Variants in PCDHA10 observed in about 807,000 individuals in gnomAD.
The protein encoded by PCDHA10 is protocadherin alpha 10.
In PCDHA10, 45 loss-of-function variants were observed where a neutral mutation model predicts 61.2. The observed-to-expected ratio is 0.74, with a 90% confidence interval of 0.58 to 0.94. PCDHA10 has a LOEUF of 0.94. Among genes scored for constraint, PCDHA10 ranks in the 40% least tolerant of loss-of-function variants. The probability of loss-of-function intolerance (pLI) is 0.00; values close to 1 mark genes in which losing one functional copy is unlikely to be tolerated. For synonymous variants in PCDHA10, 602 were observed against 548.8 expected (o/e 1.10, Z -1.35); for missense variants, 1,278 against 1,236.2 (o/e 1.03, Z -0.51).
rs202051639 is a variant in PCDHA10, at chr5:140,857,187, C to T, written c.1139C>T (p.Ala380Val). The change falls in exon 1 of 4, where the codon GCC becomes GTC. Residue 380 changes from alanine (A) to valine (V), a missense_variant. By Grantham distance (64) the Ala-to-Val change is moderately conservative. Coordinates refer to ENST00000307360, the MANE Select transcript of PCDHA10 (RefSeq NM_018901.4). ...LISVSDHDSGANGQVTCSLTP... is the reference protein window; with the variant it reads ...LISVSDHDSGVNGQVTCSLTP... Reference sequence around the variant, plus strand: ...AGCGTTTCTGACCATGATTCAGGAGCCAACGGACAGGTCACCTGCTCTCTG... The same window carrying T: ...AGCGTTTCTGACCATGATTCAGGAGTCAACGGACAGGTCACCTGCTCTCTG... 3 of 1,598,516 alleles carry T rather than the reference C, an allele frequency of 1.9e-6. No individual in the cohort carries two copies. The highest frequency in any genetic ancestry group is 1.7e-5 in the Admixed American group (1 of 59,280).
chr5:140,935,605 T>C (rs1554210594), intron 1 of PCDHA10, among the ~76,000 whole-genome samples: 4 of 152,228 alleles, frequency 2.6e-5, no homozygotes. Flanking sequence ...AGAGCTAGGC[T>C]TTTTTCAAGT....
At chr5:140,928,134 G>T in intron 1 of PCDHA10, 1 of 1,614,180 alleles carries the variant, frequency 6.2e-7, no homozygotes, top group Non-Finnish European at 8.5e-7. Flanking sequence ...ACCAAGTCCT[G>T]ATCACGGCCT....
At chr5:140,939,351 T>C (rs918440257) in intron 1 of PCDHA10, among the ~76,000 whole-genome samples, 2 of 152,140 alleles carry the variant, frequency 1.3e-5, no homozygotes, top group Non-Finnish European at 1.5e-5. Flanking sequence ...TTTCAACTTA[T>C]GATTGCAAAG....
chr5:140,966,859 G>A, intron 1 of PCDHA10: 1 of 1,577,136 alleles, frequency 6.3e-7, no homozygotes. Flanking sequence ...TCCTGCTGCT[G>A]TTGCTGCTGC....
intron 3 of PCDHA10, among the ~76,000 whole-genome samples, chr5:140,989,708 G>T (rs2097355537): frequency 6.6e-6 from 1 of 152,154 alleles, no homozygotes; most frequent in South Asian, 2.1e-4. Context: ...ATCTTCAGAG[G>T]CAGTCAGCTT....
intron 1 of PCDHA10, chr5:140,875,208 C>T (rs1297860404): frequency 3.0e-6 from 2 of 668,426 alleles, no homozygotes; most frequent in Non-Finnish European, 2.2e-6. Context: ...GTGGCTAAAC[C>T]GAAAAGAACC....
At chr5:140,927,527 C>G in intron 1 of PCDHA10, 1 of 1,614,084 alleles carries the variant, frequency 6.2e-7, no homozygotes, top group African/African-American at 1.3e-5. Context: ...GGGCTACCTG[C>G]CCGCTCAGGA....
intron 1 of PCDHA10, among the ~76,000 whole-genome samples, chr5:140,972,103 CA>C (rs1388508761): frequency 2.0e-5 from 3 of 152,104 alleles, no homozygotes; most frequent in Non-Finnish European, 4.4e-5. Context: ...GGCATAGAAG[CA>C]GGTAACAAAT....
At position 140,857,965 on chromosome 5, in the gene PCDHA10, T is replaced by A. The variant is rs2045057486; in HGVS notation, c.1917T>A (p.Thr639=). The A allele has an allele frequency of 6.3e-7, 1 of 1,597,084 alleles. No individual in the cohort carries two copies. The highest frequency in any genetic ancestry group is 2.2e-5 in the East Asian group (1 of 44,784). The change falls in exon 1 of 4, where the codon ACT becomes ACA. Residue 639 remains threonine (T), a synonymous_variant. Coordinates refer to ENST00000307360, the MANE Select transcript of PCDHA10 (RefSeq NM_018901.4). ...EISTTRALDE[T]DSPRQRLLVL... is the part of the protein sequence containing the mutation. ...GTACGACGCGCGCTCTGGATGAGACTGACTCGCCACGCCAGCGCCTACTGG... is the reference window on the plus strand; with the variant it reads ...GTACGACGCGCGCTCTGGATGAGACAGACTCGCCACGCCAGCGCCTACTGG...
intron 1 of PCDHA10, among the ~76,000 whole-genome samples, chr5:140,964,713 A>C (rs2095850699): frequency 6.6e-6 from 1 of 152,070 alleles, no homozygotes; most frequent in South Asian, 2.1e-4. Flanking sequence ...TCCGAGATCA[A>C]ATTACCACAG....
At chr5:140,970,854 T>TG (rs1554232785) in intron 1 of PCDHA10, among the ~76,000 whole-genome samples, 1 of 152,148 alleles carries the variant, frequency 6.6e-6, no homozygotes, top group Non-Finnish European at 1.5e-5. Context: ...GCACAAAAGT[T>TG]CCATTCCTGA....
At chr5:140,883,619 A>T (rs1554178937) in intron 1 of PCDHA10, 2 of 1,613,984 alleles carry the variant, frequency 1.2e-6, no homozygotes, top group Admixed American at 3.3e-5. Context: ...CGTGAACGAC[A>T]ACGCGCCGGC....
chr5:140,931,683 A>G (rs1482331530), intron 1 of PCDHA10, among the ~76,000 whole-genome samples: 2 of 151,950 alleles, frequency 1.3e-5, no homozygotes, highest in African/African-American at 4.8e-5. Flanking sequence ...AAATAAATGA[A>G]TTGTGATTCA....
intron 1 of PCDHA10, among the ~76,000 whole-genome samples, chr5:140,898,335 A>C (rs1232674937): frequency 2.6e-5 from 4 of 152,208 alleles, no homozygotes; most frequent in African/African-American, 9.6e-5. Context: ...CTAACGTTTA[A>C]GTCTTTAATC....
intron 1 of PCDHA10, chr5:140,968,382 A>G: frequency 6.2e-7 from 1 of 1,614,050 alleles, no homozygotes; most frequent in Non-Finnish European, 8.5e-7. Flanking sequence ...TCCTTTGACT[A>G]TGAGAAGTTT....
chr5:140,900,095 C>G (rs1299633318), intron 1 of PCDHA10, among the ~76,000 whole-genome samples: 1 of 152,160 alleles, frequency 6.6e-6, no homozygotes, highest in Non-Finnish European at 1.5e-5. Flanking sequence ...CAAGCATGCG[C>G]CACCATACCT....
intron 1 of PCDHA10, among the ~76,000 whole-genome samples, chr5:140,893,814 T>C (rs1254433414): frequency 6.6e-6 from 1 of 152,204 alleles, no homozygotes; most frequent in Non-Finnish European, 1.5e-5. Flanking sequence ...TTGAGTCTGG[T>C]ACCGTAGACT....
chr5:140,862,977 T>A, intron 1 of PCDHA10: 1 of 545,432 alleles, frequency 1.8e-6, no homozygotes, highest in East Asian at 4.8e-5. Context: ...GGCCACTTGG[T>A]GGCGAAGGTG....
chr5:140,946,611 A>AATATATATATATATATATAT lies in PCDHA10; in HGVS notation c.2389-32336_2389-32317dup, dbSNP rs1554217734. On this transcript the variant is annotated intron_variant, in intron 1 of 3. Transcript: ENST00000307360. ...GGATGAATAGATAAAGAAAATGTGA[A>AATATATATATATATATATAT]ATATATATATATATATATATACAAT... Among the ~76,000 whole-genome samples the AATATATATATATATATATAT allele has an allele frequency of 2.4e-3, 212 of 86,734 alleles. 8 individuals carry two copies. Among genetic ancestry groups the AATATATATATATATATATAT allele is most frequent in the Middle Eastern group, 0.011 (2 of 186 alleles). The allele number at this position is 86,734 out of a possible 152,430, so 56.9% of individuals were successfully genotyped here.
Sources: allele counts gnomAD v4.1 joint callset (sites outside exome capture counted in the v4.1 genomes callset), GRCh38; gene constraint gnomAD v4.1.1; transcripts MANE v1.5; gene names NCBI Gene and HGNC (gene_info 2026-07-23, HGNC 2026-07-21).